Variants in ATF2 observed in about 807,000 individuals in gnomAD.
The protein encoded by ATF2 is activating transcription factor 2, also known as cyclic AMP-dependent transcription factor ATF-2.
In ATF2, 24 loss-of-function variants were observed where a neutral mutation model predicts 60.6. That is an observed-to-expected ratio of 0.40 (90% CI 0.29 to 0.56). The LOEUF (loss-of-function observed/expected upper bound fraction) is 0.56, where lower values mean the gene tolerates loss of function less well. ATF2 is among the 20% of genes least tolerant of loss of function. The probability of loss-of-function intolerance (pLI) is 0.54; values close to 1 mark genes in which losing one functional copy is unlikely to be tolerated. For missense variants in ATF2, 433 were observed against 607.7 expected (o/e 0.71, Z 3.02); for synonymous variants, 206 against 215.4 (o/e 0.96, Z 0.38).
At chr2:175,150,038 G>C (rs1699202446) in intron 2 of ATF2, among the ~76,000 whole-genome samples, 1 of 152,134 alleles carries the variant, frequency 6.6e-6, no homozygotes, top group Non-Finnish European at 1.5e-5. Flanking sequence ...TATATTTTAT[G>C]ATGACTGCTT....
At chr2:175,111,806 G>A (rs1696211611) in intron 9 of ATF2, 152 bp from the exon 10 acceptor site, 1 of 614,790 alleles carries the variant, frequency 1.6e-6, no homozygotes, top group African/African-American at 1.9e-5. Context: ...ATCCTTATTT[G>A]GTCTTATATC....
intron 3 of ATF2, among the ~76,000 whole-genome samples, chr2:175,131,358 T>C (rs879707866): frequency 6.6e-6 from 1 of 152,188 alleles, no homozygotes; most frequent in African/African-American, 2.4e-5. Context: ...TCATCAACTC[T>C]TCTTACATCC....
chr2:175,150,713 T>C (rs1699256551), intron 2 of ATF2, among the ~76,000 whole-genome samples: 1 of 152,118 alleles, frequency 6.6e-6, no homozygotes, highest in Non-Finnish European at 1.5e-5. Context: ...ATACCTCAGA[T>C]TAGTTTATAT....
intron 12 of ATF2, among the ~76,000 whole-genome samples, chr2:175,085,581 C>G (rs1203300665): frequency 6.7e-6 from 1 of 149,762 alleles, no homozygotes; most frequent in South Asian, 2.1e-4. Flanking sequence ...CACACACACA[C>G]ACACACACAC....
intron 3 of ATF2, among the ~76,000 whole-genome samples, chr2:175,133,540 G>C (rs1201940750): frequency 1.3e-5 from 2 of 152,090 alleles, no homozygotes; most frequent in African/African-American, 2.4e-5. Flanking sequence ...TAGCTATCAT[G>C]GAAAAAAGAT....
intron 12 of ATF2, among the ~76,000 whole-genome samples, chr2:175,081,854 C>T (rs1559047062): frequency 1.3e-5 from 2 of 152,268 alleles, no homozygotes; most frequent in Non-Finnish European, 1.5e-5. Context: ...AGTTCAAGAC[C>T]AGCCTGGCCA....
At chr2:175,124,043 AT>A (rs900612566) in intron 4 of ATF2, among the ~76,000 whole-genome samples, 53 of 150,490 alleles carry the variant, frequency 3.5e-4, no homozygotes, top group Middle Eastern at 3.4e-3. Context: ...TGCAAGCTAA[AT>A]TTTTTTACAG....
At chr2:175,116,156 A>C (rs763487180) in intron 7 of ATF2, among the ~76,000 whole-genome samples, 6 of 152,138 alleles carry the variant, frequency 3.9e-5, no homozygotes, top group Non-Finnish European at 5.9e-5. Flanking sequence ...TGACATATTT[A>C]ATGTATTAAA....
chr2:175,162,960 C>A (rs969744256), intron 1 of ATF2, among the ~76,000 whole-genome samples: 1 of 151,932 alleles, frequency 6.6e-6, no homozygotes, highest in Non-Finnish European at 1.5e-5. Context: ...GGTGAAACCC[C>A]GTCTCTACTA....
chr2:175,099,386 A>G (rs1695162565), intron 10 of ATF2, among the ~76,000 whole-genome samples: 1 of 152,156 alleles, frequency 6.6e-6, no homozygotes, highest in South Asian at 2.1e-4. Flanking sequence ...TACAGGTGTG[A>G]GCCATCGTGC....
Position 175,117,961 on chromosome 2 carries a change from C to T in ATF2, c.447+29G>A, listed in dbSNP as rs193053874. The T allele has an allele frequency of 1.0e-4, 159 of 1,581,514 alleles. No homozygotes were observed. The African/African-American group carries it at 2.0e-3, about 20-fold the overall frequency. Reference sequence around the variant, plus strand: ...CTTTATTTGGGTACTGTTCCTCCCCCTTACTTTGTATTTCTAAAAATTTCT... The same window carrying T: ...CTTTATTTGGGTACTGTTCCTCCCCTTTACTTTGTATTTCTAAAAATTTCT... On this transcript the variant is annotated intron_variant, in intron 7 of 13. Coordinates refer to ENST00000264110, the MANE Select transcript of ATF2 (RefSeq NM_001880.4).
At position 175,086,252 on chromosome 2, in the gene ATF2, T is replaced by G. The variant is rs561660905; in HGVS notation, c.1186-5487A>C. Among the ~76,000 whole-genome samples the G allele has an allele frequency of 4.6e-5, 7 of 152,354 alleles. No homozygotes were observed. The South Asian group carries it at 1.5e-3, about 32-fold the overall frequency. ...TATAACTTGTATTATTACTGTACTC[T>G]AATAGTCGATTTCATTAAAAGATGG... On this transcript the variant is annotated intron_variant, in intron 12 of 13. Coordinates refer to ENST00000264110, the MANE Select transcript of ATF2 (RefSeq NM_001880.4).
chr2:175,164,516 A>T (rs1700226615), intron 1 of ATF2, among the ~76,000 whole-genome samples: 2 of 152,222 alleles, frequency 1.3e-5, no homozygotes, highest in South Asian at 4.1e-4. Context: ...CGTGGAAGCC[A>T]GAGGGAGACT....
intron 3 of ATF2, among the ~76,000 whole-genome samples, chr2:175,133,611 G>A (rs7578569): frequency 0.26 from 39,697 of 151,992 alleles, 6,170 homozygotes; most frequent in African/African-American, 0.44. Flanking sequence ...AGGACTTTTC[G>A]TGACCTTAAT....
In ATF2 at chr2:175,136,474, C is replaced by T. The variant is rs773759087; in HGVS notation, c.-31G>A. On this transcript the variant is annotated 5_prime_UTR_variant, in exon 3 of 14. The change abolishes an upstream ATG in the 5' untranslated region. Coordinates refer to ENST00000264110, the MANE Select transcript of ATF2 (RefSeq NM_001880.4). Reference sequence around the variant, plus strand: ...GAATAACTTATCACATTCTTTTTCTCATGGCAAGAATACTGAAAAACAAAG... The same window carrying T: ...GAATAACTTATCACATTCTTTTTCTTATGGCAAGAATACTGAAAAACAAAG... The T allele has an allele frequency of 1.3e-6, 2 of 1,595,566 alleles. No individual in the cohort carries two copies. Among genetic ancestry groups the T allele is most frequent in the Non-Finnish European group, 1.7e-6 (2 of 1,167,394 alleles).
chr2:175,160,856 C>T (rs959524933), intron 1 of ATF2, among the ~76,000 whole-genome samples: 2 of 151,950 alleles, frequency 1.3e-5, no homozygotes, highest in African/African-American at 4.8e-5. Flanking sequence ...GCCTGGGCAA[C>T]GGCAAGACCC....
Position 175,074,684 on chromosome 2 carries a change from C to T in ATF2, c.1443G>A (p.Ala481=), listed in dbSNP as rs764479396. 10 of 1,613,220 alleles carry T rather than the reference C, an allele frequency of 6.2e-6. No homozygotes were observed. The highest frequency in any genetic ancestry group is 2.2e-5 in the South Asian group (2 of 91,078). Residue 481 remains alanine (A), a synonymous_variant, in exon 14 of 14, where the codon GCG becomes GCA. Transcript: ENST00000264110. ...AVATSVLTQM[A]DQSTEPALSQ... ...AAAGAGCAGGCTCTGTACTCTGGTC[C>T]GCCATCTGGGTGAGGACTGAAGTGG... is the stretch of plus-strand genomic sequence containing the variant.
chr2:175,100,876 G>A (rs1303455122), intron 10 of ATF2, among the ~76,000 whole-genome samples: 12 of 152,308 alleles, frequency 7.9e-5, no homozygotes, highest in Non-Finnish European at 8.8e-5. Context: ...GGGTGGATGC[G>A]TCAGGTTATA....
chr2:175,151,348 A>G (rs1393268953), intron 1 of ATF2, among the ~76,000 whole-genome samples, 190 bp from the exon 2 acceptor site: 2 of 152,116 alleles, frequency 1.3e-5, no homozygotes, highest in Non-Finnish European at 2.9e-5. Context: ...CAAATTGTCA[A>G]TGCTCCAGGA....
Sources: gnomAD v4.1 joint callset for allele counts (sites outside exome capture counted in the v4.1 genomes callset) on GRCh38, gnomAD v4.1.1 for gene constraint, MANE v1.5 for transcripts, NCBI Gene and HGNC (gene_info 2026-07-23, HGNC 2026-07-21) for gene names.